The following UBASH3A variants were observed in gnomAD, a reference collection of about 807,000 sequenced individuals.
UBASH3A encodes ubiquitin associated and SH3 domain containing A.
A neutral mutation model predicts 73.5 loss-of-function variants in UBASH3A; 63 were observed. That is an observed-to-expected ratio of 0.86 (90% CI 0.70 to 1.06). The LOEUF (loss-of-function observed/expected upper bound fraction) is 1.06. Among genes scored for constraint, UBASH3A ranks in the 50% least tolerant of loss-of-function variants. UBASH3A has a pLI of 0.00. For synonymous variants in UBASH3A, 363 were observed against 351.1 expected, an observed-to-expected ratio of 1.03 and a Z score of -0.38; for missense variants, 860 against 859.0, an observed-to-expected ratio of 1.00 and a Z score of -0.02.
chr21:42,445,000 G>A (rs2053822177), intron 14 of UBASH3A, among the ~76,000 whole-genome samples: 1 of 152,196 alleles, frequency 6.6e-6, no homozygotes, highest in Non-Finnish European at 1.5e-5. Flanking sequence ...CTCTTCTGGG[G>A]ACCTGGGGCA....
At chr21:42,411,636 TC>T (rs1448705760) in intron 3 of UBASH3A, among the ~76,000 whole-genome samples, 3 of 151,974 alleles carry the variant, frequency 2.0e-5, no homozygotes, top group African/African-American at 7.3e-5. Flanking sequence ...TGTCGTTAGC[TC>T]CTCCCAGTCC....
chr21:42,434,826 C>T lies in UBASH3A; in HGVS notation c.1271-6C>T. The T allele has an allele frequency of 6.2e-7, 1 of 1,612,132 alleles. No homozygotes were observed. The highest frequency in any genetic ancestry group is 1.3e-5 in the African/African-American group (1 of 74,882). On this transcript the variant is annotated splice_region_variant and splice_polypyrimidine_tract_variant and intron_variant, in intron 9 of 14. Coordinates refer to ENST00000319294, the MANE Select transcript of UBASH3A (RefSeq NM_018961.4). The stretch of plus-strand genomic sequence containing the variant: ...ACTGAACGTCTGATGCTTATTTATA[C>T]TTCAGGGAAATACTACAGGCCAGAC...
intron 9 of UBASH3A, 65 bp downstream of exon 9, chr21:42,432,267 C>T: frequency 2.8e-6 from 3 of 1,060,584 alleles, no homozygotes; most frequent in Non-Finnish European, 4.3e-6. Context: ...AGATCTCCTT[C>T]TTAATGACCT....
At chr21:42,414,163 G>A (rs963099200) in intron 5 of UBASH3A, among the ~76,000 whole-genome samples, 4 of 152,160 alleles carry the variant, frequency 2.6e-5, no homozygotes, top group African/African-American at 7.2e-5. Flanking sequence ...TGACGAGGCC[G>A]CAGTGCCTTG....
intron 14 of UBASH3A, among the ~76,000 whole-genome samples, chr21:42,446,333 G>A (rs1368710306): frequency 1.3e-5 from 2 of 152,178 alleles, no homozygotes; most frequent in African/African-American, 4.8e-5. Flanking sequence ...CAGGGCAGCT[G>A]GAAAGGGAGC....
chr21:42,440,549 A>G (rs2839515), intron 11 of UBASH3A, among the ~76,000 whole-genome samples: 90,183 of 152,092 alleles, frequency 0.59, 27,656 homozygotes, highest in Non-Finnish European at 0.68. Flanking sequence ...CCACCACTCA[A>G]TGAGCGCATT....
chr21:42,413,557 G>T lies in UBASH3A; in HGVS notation c.667+34G>T. ...TTAGAAAGCTTCCGGACCAGCTTTG[G>T]TCTTCTCTTTAGGCGGGAATAGCCT... On this transcript the variant is annotated intron_variant, in intron 5 of 14. Coordinates refer to ENST00000319294, the MANE Select transcript of UBASH3A (RefSeq NM_018961.4). The surrounding 1 kb of genome is among the most constrained non-coding windows in gnomAD (Gnocchi z 4.5). 2 of 1,500,360 alleles carry T rather than the reference G, an allele frequency of 1.3e-6. No homozygotes were observed. Among genetic ancestry groups the T allele is most frequent in the African/African-American group, 1.4e-5 (1 of 72,280 alleles). 92.9% of individuals were successfully genotyped at this position (1,500,360 alleles called of 1,614,324 possible). A position where few individuals can be genotyped will look rare whatever the true frequency, so the allele number is the denominator to read the frequency against.
In UBASH3A at chr21:42,409,624, G is replaced by A; in HGVS notation, c.354+16G>A. ...CTTCTTCACGGTGAGTCAACCCAGT[G>A]TGCCTTCAATGCTCACGGCAGCTGG... On this transcript the variant is annotated intron_variant, in intron 3 of 14. Transcript: ENST00000319294. 1 of 1,602,554 alleles carries A rather than the reference G, an allele frequency of 6.2e-7. No homozygotes were observed. Among genetic ancestry groups the A allele is most frequent in the Non-Finnish European group, 8.5e-7 (1 of 1,174,262 alleles).
intron 11 of UBASH3A, among the ~76,000 whole-genome samples, chr21:42,438,097 G>A (rs559171730): frequency 6.6e-6 from 1 of 152,284 alleles, no homozygotes; most frequent in African/African-American, 2.4e-5. Flanking sequence ...TGTTCCAGAG[G>A]CCTGGGCTCT....
At chr21:42,411,896 G>A (rs548887478) in intron 3 of UBASH3A, among the ~76,000 whole-genome samples, 14 of 152,332 alleles carry the variant, frequency 9.2e-5, no homozygotes, top group East Asian at 3.9e-4. Flanking sequence ...GTTGAGTGCC[G>A]TTGAGGGTTG....
chr21:42,412,383 G>A (rs994869062), intron 3 of UBASH3A, among the ~76,000 whole-genome samples: 3 of 152,198 alleles, frequency 2.0e-5, no homozygotes, highest in African/African-American at 4.8e-5. Context: ...GCCGGGCCAG[G>A]GGCTGTGCAG....
At chr21:42,425,047 C>T (rs2053409892) in intron 7 of UBASH3A, among the ~76,000 whole-genome samples, 1 of 152,186 alleles carries the variant, frequency 6.6e-6, no homozygotes, top group South Asian at 2.1e-4. Context: ...GTCGTTGAAG[C>T]CGCTCAGCTG....
Position 42,434,827 on chromosome 21 carries a change from T to G in UBASH3A, c.1271-5T>G. 6.2e-7 allele frequency: 1 copy of G among 1,612,302 alleles called. No homozygotes were observed. Among genetic ancestry groups the G allele is most frequent in the Non-Finnish European group, 8.5e-7 (1 of 1,179,216 alleles). On this transcript the variant is annotated splice_region_variant and splice_polypyrimidine_tract_variant and intron_variant, in intron 9 of 14. Coordinates refer to ENST00000319294, the MANE Select transcript of UBASH3A (RefSeq NM_018961.4). The stretch of plus-strand genomic sequence containing the variant: ...CTGAACGTCTGATGCTTATTTATAC[T>G]TCAGGGAAATACTACAGGCCAGACC...
intron 7 of UBASH3A, among the ~76,000 whole-genome samples, chr21:42,419,342 C>A (rs1238765611): frequency 1.1e-4 from 17 of 152,186 alleles, no homozygotes; most frequent in Admixed American, 1.0e-3. Flanking sequence ...TTATCTCTTT[C>A]CTCTCCCGCT....
intron 11 of UBASH3A, among the ~76,000 whole-genome samples, 180 bp downstream of exon 11, chr21:42,437,760 C>A (rs187116345): frequency 6.6e-6 from 1 of 152,184 alleles, no homozygotes; most frequent in Non-Finnish European, 1.5e-5. Flanking sequence ...GGTCCGTGAG[C>A]GTGTCTGGAA....
At chr21:42,442,423 G>A in intron 11 of UBASH3A, 29 bp from the exon 12 acceptor site, 2 of 1,609,536 alleles carry the variant, frequency 1.2e-6, no homozygotes, top group Non-Finnish European at 8.5e-7. Flanking sequence ...TGTTGAGGAT[G>A]ATAAACACTT....
At position 42,443,389 on chromosome 21, in the gene UBASH3A, T is replaced by C. The variant is rs1272061276; in HGVS notation, c.1709T>C (p.Val570Ala). 1 of 1,612,580 alleles carries C rather than the reference T, an allele frequency of 6.2e-7. No individual in the cohort carries two copies. Among genetic ancestry groups the C allele is most frequent in the African/African-American group, 1.3e-5 (1 of 74,834 alleles). Residue 570 changes from valine to alanine, a missense_variant, in exon 13 of 15, where the codon GTG (valine) becomes GCG (alanine). Val to Ala is a moderately conservative substitution (Grantham distance 64, BLOSUM62 0). Coordinates refer to ENST00000319294, the MANE Select transcript of UBASH3A (RefSeq NM_018961.4). Reference sequence around the variant, plus strand: ...ATGGACAGGTGCACGGCGAGCATGGTGCAAATCGTCAACACCTGTCCACAG... The same window carrying C: ...ATGGACAGGTGCACGGCGAGCATGGCGCAAATCGTCAACACCTGTCCACAG... ...EYMDRCTASM[V>A]QIVNTCPQDT...
At chr21:42,428,754 C>T (rs2053481382) in intron 8 of UBASH3A, among the ~76,000 whole-genome samples, 1 of 152,010 alleles carries the variant, frequency 6.6e-6, no homozygotes, top group African/African-American at 2.4e-5. Flanking sequence ...CGTAGCTCAG[C>T]CTGTGTCTAA....
intron 2 of UBASH3A, among the ~76,000 whole-genome samples, chr21:42,407,929 C>G (rs566553823): frequency 6.6e-6 from 1 of 152,186 alleles, no homozygotes; most frequent in Non-Finnish European, 1.5e-5. Context: ...AACAAATTCG[C>G]GCTGACAAAC....
Sources: allele counts gnomAD v4.1 joint callset (sites outside exome capture counted in the v4.1 genomes callset), GRCh38; gene constraint gnomAD v4.1.1; non-coding constraint Gnocchi (gnomAD v3.1); transcripts MANE v1.5; gene names NCBI Gene and HGNC (gene_info 2026-07-23, HGNC 2026-07-21).